The following CROCC variants were observed in gnomAD, a reference collection of about 807,000 sequenced individuals.
CROCC encodes ciliary rootlet coiled-coil, rootletin.
CROCC carries 180 observed loss-of-function variants against 245.2 expected under a neutral mutation model. That is an observed-to-expected ratio of 0.73 (90% CI 0.65 to 0.83). The LOEUF is 0.83. Among genes scored for constraint, CROCC ranks in the 40% least tolerant of loss-of-function variants. The probability of loss-of-function intolerance (pLI) is 0.00; values close to 1 mark genes in which losing one functional copy is unlikely to be tolerated. For synonymous variants in CROCC, 1,205 were observed against 1,241.6 expected (o/e 0.97, Z 0.62); for missense variants, 2,688 against 2,779.4 (o/e 0.97, Z 0.74).
At chr1:16,928,199 G>C (rs1414904910) in intron 3 of CROCC, among the ~76,000 whole-genome samples, 3 of 152,282 alleles carry the variant, frequency 2.0e-5, no homozygotes, top group Non-Finnish European at 4.4e-5. Context: ...CAGATGGTGA[G>C]TGCAGGGCTA....
In CROCC at chr1:16,927,730, C is replaced by T. The variant is rs1373066240; in HGVS notation, c.352-2116C>T. Among the ~76,000 whole-genome samples, 6 of 152,272 alleles carry T rather than the reference C, an allele frequency of 3.9e-5. No individual in the cohort carries two copies. The East Asian group carries it at 1.2e-3, about 29-fold the overall frequency. On this transcript the variant is annotated intron_variant, in intron 3 of 36. Coordinates refer to ENST00000375541, the MANE Select transcript of CROCC (RefSeq NM_014675.5). ...AGCCTGTGTGGCTGCCTCAGGCCACCGCCACCACACACAGATGTGGACACC... is the reference window on the plus strand; with the variant it reads ...AGCCTGTGTGGCTGCCTCAGGCCACTGCCACCACACACAGATGTGGACACC...
At position 16,962,551 on chromosome 1, in the gene CROCC, A is replaced by AC. The variant is rs1295975921; in HGVS notation, c.4405+1421_4405+1422insC. Among the ~76,000 whole-genome samples the AC allele has an allele frequency of 4.6e-4, 59 of 129,554 alleles. 2 individuals are homozygous for AC. The highest frequency in any genetic ancestry group is 1.6e-3 in the African/African-American group (52 of 33,090). The allele number at this position is 129,554 out of a possible 152,430, so 85.0% of individuals were successfully genotyped here. On this transcript the variant is annotated intron_variant, in intron 27 of 36. Transcript: ENST00000375541. Reference sequence around the variant, plus strand: ...CTCCGTCTCAAAAAAAAAAAAAAAAAAAAAAAAAAACAGGATTTCAGCATG... The same window carrying AC: ...CTCCGTCTCAAAAAAAAAAAAAAAAACAAAAAAAAAACAGGATTTCAGCATG...
In CROCC at chr1:16,927,724, GGCCACC is replaced by G. The variant is rs1246558439; in HGVS notation, c.352-2115_352-2110del. Among the ~76,000 whole-genome samples the G allele has an allele frequency of 3.9e-5, 6 of 152,402 alleles. No individual in the cohort carries two copies. In the East Asian group the frequency reaches 1.2e-3, roughly 29 times the overall value. On this transcript the variant is annotated intron_variant, in intron 3 of 36. Transcript: ENST00000375541. ...GTGCACAGCCTGTGTGGCTGCCTCA[GGCCACC>G]GCCACCACACACAGATGTGGACACC...
Position 16,946,292 on chromosome 1 carries a change from A to G in CROCC, c.2170A>G (p.Met724Val), listed in dbSNP as rs141249889. The part of the protein sequence containing the change: ...EAGRVELELS[M>V]TKLRAEEASL... ...TGGCCGCGTGGAGCTCGAGCTCTCC[A>G]TGACCAAGCTGAGGGCAGAGGAGGC... is the stretch of plus-strand genomic sequence containing the variant. Residue 724 changes from methionine (M) to valine (V), a missense_variant, in exon 16 of 37, where the codon ATG becomes GTG. Met to Val is a conservative substitution (Grantham distance 21). Coordinates refer to ENST00000375541, the MANE Select transcript of CROCC (RefSeq NM_014675.5). 5.6e-5 allele frequency: 90 copies of G among 1,613,318 alleles called. No homozygotes were observed. Among genetic ancestry groups the G allele is most frequent in the Admixed American group, 2.2e-4 (13 of 59,968 alleles).
In CROCC at chr1:16,970,406, C is replaced by A; in HGVS notation, c.5605C>A (p.Leu1869Met). 6.2e-7 allele frequency: 1 copy of A among 1,604,900 alleles called. No individual in the cohort carries two copies. The highest frequency in any genetic ancestry group is 2.2e-5 in the East Asian group (1 of 44,580). ...AEKREVERSA[L>M]RLEKDRVALR... ...GAAGCGGGAGGTGGAGCGCTCAGCCCTGCGGCTGGAGAAGGACCGTGTAGC... is the reference window on the plus strand; with the variant it reads ...GAAGCGGGAGGTGGAGCGCTCAGCCATGCGGCTGGAGAAGGACCGTGTAGC... Residue 1869 changes from leucine (L) to methionine (M), a missense_variant, in exon 34 of 37, where the codon CTG becomes ATG. Around this residue, in one of 9 missense-constraint regions of CROCC, gnomAD observed 1,218 missense variants for 1,286.3 expected, o/e 0.95. Coordinates refer to ENST00000375541, the MANE Select transcript of CROCC (RefSeq NM_014675.5).
At chr1:16,945,890 C>T (rs3983219) in intron 15 of CROCC, among the ~76,000 whole-genome samples, 1 of 152,284 alleles carries the variant, frequency 6.6e-6, no homozygotes, top group African/African-American at 2.4e-5. Context: ...GTGCCTGAGA[C>T]TCAGCTCCTG....
intron 11 of CROCC, among the ~76,000 whole-genome samples, 164 bp downstream of exon 11, chr1:16,938,647 G>A (rs1475200871): frequency 1.3e-5 from 2 of 152,298 alleles, no homozygotes; most frequent in Non-Finnish European, 2.9e-5. Flanking sequence ...TCTGCCTTGG[G>A]GAGCCCCCAG....
intron 8 of CROCC, 93 bp downstream of exon 8, chr1:16,931,490 C>T: frequency 8.1e-7 from 1 of 1,234,940 alleles, no homozygotes; most frequent in South Asian, 1.2e-5. Context: ...CAACTCAACG[C>T]ACTTACTGTG....
intron 25 of CROCC, among the ~76,000 whole-genome samples, chr1:16,957,272 T>A (rs531165196): frequency 6.6e-6 from 1 of 152,106 alleles, no homozygotes; most frequent in African/African-American, 2.4e-5. Context: ...CTAGGTGTGG[T>A]GACACGCTCC....
At chr1:16,924,631 T>C (rs1184880444) in intron 3 of CROCC, 152 bp downstream of exon 3, 6 of 1,024,772 alleles carry the variant, frequency 5.9e-6, no homozygotes, top group Non-Finnish European at 8.5e-6. Flanking sequence ...TTGAGTGGCG[T>C]TGAGCAAATC....
rs1175981026 is a variant in CROCC at position 16,948,387 on chromosome 1, C to T, written c.2571C>T (p.Ala857=). ...EQELEQARRE[A]QRQVEALERA... ...AGCTGGAGCAGGCCCGGCGGGAGGC[C>T]CAGCGGCAAGTGGAGGCGCTGGAGC... is the stretch of plus-strand genomic sequence containing the variant. The change falls in exon 18 of 37, where the codon GCC becomes GCT. Residue 857 remains alanine (A), a synonymous_variant. Transcript: ENST00000375541. 1 of 1,578,370 alleles carries T rather than the reference C, an allele frequency of 6.3e-7. No homozygotes were observed. Among genetic ancestry groups the T allele is most frequent in the Non-Finnish European group, 8.6e-7 (1 of 1,165,058 alleles).
chr1:16,968,966 G>A, intron 31 of CROCC, 150 bp from the exon 32 acceptor site: 1 of 808,428 alleles, frequency 1.2e-6, no homozygotes, highest in Admixed American at 2.2e-5. Flanking sequence ...GCCAGCAGGA[G>A]TGCTTAGGAA....
In CROCC at chr1:16,930,434, C is replaced by T. The variant is rs773336337; in HGVS notation, c.689C>T (p.Ala230Val). The T allele has an allele frequency of 1.9e-6, 3 of 1,611,598 alleles. No homozygotes were observed. The Admixed American group carries it at 5.0e-5, about 27-fold the overall frequency. ...ATCCCCTGTGCCCCATTCAGGAGTG[C>T]CAGCCTGGCCCAGGTGAATGCCATG... ...IRLEEEQQRS[A>V]SLAQVNAMLR... Residue 230 changes from alanine to valine, a missense_variant, in exon 7 of 37, where the codon GCC becomes GTC. Around this residue, in one of 9 missense-constraint regions of CROCC, gnomAD observed 972 missense variants for 895.3 expected, o/e 1.09. Transcript: ENST00000375541.
chr1:16,948,667 C>T, intron 18 of CROCC, 132 bp from the exon 19 acceptor site: 4 of 1,524,508 alleles, frequency 2.6e-6, no homozygotes, highest in African/African-American at 2.7e-5. Context: ...GCTCAGGCTT[C>T]CCCAGGGAGT....
At chr1:16,937,322 C>T (rs562064222) in intron 9 of CROCC, among the ~76,000 whole-genome samples, 31 of 150,846 alleles carry the variant, frequency 2.1e-4, no homozygotes, top group African/African-American at 6.1e-4. Context: ...CTCTGTATTC[C>T]GGCCTGGATG....
In CROCC at chr1:16,947,048, C is replaced by T. The variant is rs1363913042; in HGVS notation, c.2514+57C>T. On this transcript the variant is annotated intron_variant, in intron 17 of 36. Transcript: ENST00000375541. ...AGAGCATGTGGGGCAGGCCGGGCTC[C>T]CAGCCCCCTGCATCCAGTCCTGGGT... The T allele has an allele frequency of 2.8e-6, 4 of 1,443,308 alleles. No individual in the cohort carries two copies. The African/African-American group carries it at 5.6e-5, about 20-fold the overall frequency. 89.4% of individuals were successfully genotyped at this position (1,443,308 alleles called of 1,614,324 possible).
intron 13 of CROCC, among the ~76,000 whole-genome samples, chr1:16,942,656 T>C (rs1159986930): frequency 6.6e-6 from 1 of 152,280 alleles, no homozygotes; most frequent in Non-Finnish European, 1.5e-5. Context: ...CTCAGACTCA[T>C]ACAGCGTGTG....
At chr1:16,963,312 G>A (rs1249071056) in intron 27 of CROCC, among the ~76,000 whole-genome samples, 1 of 152,046 alleles carries the variant, frequency 6.6e-6, no homozygotes, top group African/African-American at 2.4e-5. Flanking sequence ...GCTGGGAGGG[G>A]GACTCGGGGC....
intron 25 of CROCC, 25 bp from the exon 26 acceptor site, chr1:16,958,558 T>TCA: frequency 6.5e-6 from 10 of 1,549,060 alleles, no homozygotes; most frequent in Non-Finnish European, 8.7e-6. Flanking sequence ...GAGCTGAACC[T>TCA]GCTGCCATTC....
Sources: allele counts gnomAD v4.1 joint callset (sites outside exome capture counted in the v4.1 genomes callset), GRCh38; gene constraint gnomAD v4.1.1; regional missense constraint gnomAD v4.1.1; transcripts MANE v1.5; gene names NCBI Gene and HGNC (gene_info 2026-07-23, HGNC 2026-07-21).